The following GPC6 variants were observed in gnomAD, a reference collection of about 807,000 sequenced individuals.
GPC6 encodes the protein glypican 6.
Under a neutral mutation model 55.2 loss-of-function variants are expected in GPC6, and 14 were observed. The ratio of observed to expected loss-of-function variants is 0.25; its 90% CI spans 0.17 to 0.40. GPC6 has a LOEUF of 0.40. GPC6 is among the 10% of genes least tolerant of loss of function. The pLI is 1.00. For missense variants in GPC6, 641 were observed against 708.5 expected, an observed-to-expected ratio of 0.90 and a Z score of 1.08; for synonymous variants, 278 against 259.6, an observed-to-expected ratio of 1.07 and a Z score of -0.68.
At chr13:93,274,331 G>A (rs1203337576) in intron 1 of GPC6, among the ~76,000 whole-genome samples, 1 of 152,066 alleles carries the variant, frequency 6.6e-6, no homozygotes, top group Non-Finnish European at 1.5e-5. Context: ...GGGGGAATGT[G>A]GTAGGTTCAT....
intron 1 of GPC6, among the ~76,000 whole-genome samples, chr13:93,422,386 C>T (rs967316844): frequency 1.3e-5 from 2 of 152,142 alleles, no homozygotes; most frequent in Non-Finnish European, 2.9e-5. Context: ...TTTTCTAAAT[C>T]AAACACAGAT....
At chr13:94,017,058 C>T (rs1471564641) in intron 3 of GPC6, among the ~76,000 whole-genome samples, 3 of 152,172 alleles carry the variant, frequency 2.0e-5, no homozygotes, top group Non-Finnish European at 4.4e-5. Flanking sequence ...TGGTCTTGAA[C>T]TCCTGAACTC....
intron 4 of GPC6, among the ~76,000 whole-genome samples, chr13:94,044,225 GAT>G (rs1883643610): frequency 6.6e-6 from 1 of 151,810 alleles, no homozygotes; most frequent in South Asian, 2.1e-4. Context: ...CGTATAAGTA[GAT>G]ATGTGTGTAT....
At chr13:93,563,819 A>C (rs1216752315) in intron 2 of GPC6, among the ~76,000 whole-genome samples, 1 of 151,642 alleles carries the variant, frequency 6.6e-6, no homozygotes, top group Non-Finnish European at 1.5e-5. Context: ...TATTCTTAGG[A>C]AATTATAAAA....
intron 3 of GPC6, among the ~76,000 whole-genome samples, chr13:93,922,758 G>A (rs1217080792): frequency 6.6e-6 from 1 of 152,144 alleles, no homozygotes; most frequent in East Asian, 1.9e-4. Context: ...AAAGCAACTG[G>A]ACTCTTTTTT....
intron 2 of GPC6, among the ~76,000 whole-genome samples, chr13:93,819,984 C>T (rs951572810): frequency 2.6e-5 from 4 of 152,204 alleles, no homozygotes; most frequent in Non-Finnish European, 5.9e-5. Context: ...CTCCCTATAT[C>T]AACCAATTAC....
chr13:93,913,732 C>G (rs1286432607), intron 3 of GPC6, among the ~76,000 whole-genome samples: 2 of 152,030 alleles, frequency 1.3e-5, no homozygotes, highest in African/African-American at 4.8e-5. Context: ...TATTTTTACA[C>G]TGGTAAAGGA....
chr13:94,103,073 T>G (rs1391950417), intron 4 of GPC6, among the ~76,000 whole-genome samples: 1 of 152,098 alleles, frequency 6.6e-6, no homozygotes, highest in East Asian at 1.9e-4. Flanking sequence ...TGTGTGATGT[T>G]CCCCTCCCTG....
At chr13:94,143,750 G>C (rs559878148) in intron 4 of GPC6, among the ~76,000 whole-genome samples, 8 of 152,148 alleles carry the variant, frequency 5.3e-5, no homozygotes, top group African/African-American at 1.9e-4. Context: ...TTAGCCAGGC[G>C]TGCACCTGTA....
chr13:94,280,018 G>A (rs1892327843), intron 4 of GPC6, among the ~76,000 whole-genome samples: 1 of 152,094 alleles, frequency 6.6e-6, no homozygotes, highest in South Asian at 2.1e-4. Context: ...CTATCTCATT[G>A]ATCTGTCTAA....
intron 2 of GPC6, among the ~76,000 whole-genome samples, chr13:93,548,832 A>G (rs1300999588): frequency 6.6e-6 from 1 of 152,136 alleles, no homozygotes; most frequent in Non-Finnish European, 1.5e-5. Flanking sequence ...TTGGCAGAGA[A>G]TTTTCTCATA....
At chr13:94,155,196 C>T (rs1262209281) in intron 4 of GPC6, among the ~76,000 whole-genome samples, 2 of 150,270 alleles carry the variant, frequency 1.3e-5, no homozygotes, top group South Asian at 2.2e-4. Flanking sequence ...CACCCCAAAA[C>T]ATGCCAGAAA....
At chr13:93,439,690 TA>T (rs11326410) in intron 1 of GPC6, among the ~76,000 whole-genome samples, 44,897 of 144,510 alleles carry the variant, frequency 0.31, 7,061 homozygotes, top group Non-Finnish European at 0.35. Flanking sequence ...ATAAAATAAA[TA>T]AAAAAAATAA....
intron 4 of GPC6, among the ~76,000 whole-genome samples, chr13:94,278,547 A>G (rs1005445191): frequency 6.6e-6 from 1 of 152,196 alleles, no homozygotes; most frequent in Non-Finnish European, 1.5e-5. Flanking sequence ...ACGTTTGCCC[A>G]TTCAATATGA....
intron 4 of GPC6, among the ~76,000 whole-genome samples, chr13:94,093,110 T>C (rs1169133607): frequency 6.6e-6 from 1 of 152,146 alleles, no homozygotes; most frequent in Non-Finnish European, 1.5e-5. Flanking sequence ...AGAAAGTCTT[T>C]AGTGTGATGT....
chr13:93,841,423 T>C (rs1056953852), intron 3 of GPC6, among the ~76,000 whole-genome samples: 2 of 152,172 alleles, frequency 1.3e-5, no homozygotes, highest in African/African-American at 4.8e-5. Flanking sequence ...GGTTATTCCT[T>C]TGCATCTATT....
At position 93,321,010 on chromosome 13, in the gene GPC6, T is replaced by C. The variant is rs560151979; in HGVS notation, c.160+93394T>C. ...ATGAAAAGGTTCACTTTAAATTTTT[T>C]TCTGCAGTATGCTTGATTGTTAATT... On this transcript the variant is annotated intron_variant, in intron 1 of 8. Transcript: ENST00000377047. Among the ~76,000 whole-genome samples, 229 of 152,314 alleles carry C rather than the reference T, an allele frequency of 1.5e-3. 1 individual carries two copies. Among genetic ancestry groups the C allele is most frequent in the Non-Finnish European group, 1.4e-3 (97 of 68,012 alleles).
chr13:93,316,546 A>G (rs1028089687), intron 1 of GPC6, among the ~76,000 whole-genome samples: 11 of 152,082 alleles, frequency 7.2e-5, no homozygotes, highest in Non-Finnish European at 1.3e-4. Flanking sequence ...GGAAAAAATG[A>G]TGAGAGTGTT....
intron 2 of GPC6, among the ~76,000 whole-genome samples, chr13:93,657,053 T>C (rs1349666254): frequency 6.6e-6 from 1 of 152,104 alleles, no homozygotes; most frequent in Non-Finnish European, 1.5e-5. Context: ...TTCAATGTTA[T>C]TCTGATCAAA....
Sources: allele counts gnomAD v4.1 joint callset (sites outside exome capture counted in the v4.1 genomes callset), GRCh38; gene constraint gnomAD v4.1.1; transcripts MANE v1.5; gene names NCBI Gene and HGNC (gene_info 2026-07-23, HGNC 2026-07-21).